Variants in CADPS observed in about 807,000 individuals in gnomAD.
CADPS encodes the protein calcium-dependent secretion activator 1.
Under a neutral mutation model 167.3 loss-of-function variants are expected in CADPS, and 57 were observed. The observed-to-expected ratio is 0.34, with a 90% confidence interval of 0.28 to 0.42. CADPS has a LOEUF of 0.42. Among genes scored for constraint, CADPS ranks in the 20% least tolerant of loss-of-function variants. The pLI is 1.00. For missense variants in CADPS, 1,414 were observed against 1,738.1 expected (o/e 0.81, Z 3.32); for synonymous variants, 676 against 635.3 (o/e 1.06, Z -0.96).
At chr3:62,851,332 G>T (rs1330827101) in intron 1 of CADPS, among the ~76,000 whole-genome samples, 4 of 117,158 alleles carry the variant, frequency 3.4e-5, no homozygotes, top group East Asian at 4.9e-4. Context: ...GTTAGCTGGT[G>T]ATTTTGCTCG....
chr3:62,470,009 G>A (rs189482452), intron 24 of CADPS, among the ~76,000 whole-genome samples: 1 of 152,344 alleles, frequency 6.6e-6, no homozygotes, highest in African/African-American at 2.4e-5. Flanking sequence ...AACAGATTGT[G>A]TGTATGTTGT....
intron 1 of CADPS, among the ~76,000 whole-genome samples, chr3:62,774,220 C>T (rs564142329): frequency 1.7e-4 from 26 of 152,094 alleles, no homozygotes; most frequent in African/African-American, 5.8e-4. Flanking sequence ...TTCACCCTTC[C>T]GGCCACAAAG....
intron 3 of CADPS, among the ~76,000 whole-genome samples, chr3:62,667,917 G>T (rs1341755454): frequency 6.6e-6 from 1 of 152,150 alleles, no homozygotes; most frequent in Non-Finnish European, 1.5e-5. Context: ...TTGTCAAAGG[G>T]CCTGGGCCTG....
At chr3:62,629,783 T>TG (rs2064932007) in intron 6 of CADPS, among the ~76,000 whole-genome samples, 1 of 150,422 alleles carries the variant, frequency 6.6e-6, no homozygotes. Context: ...TTTGTTTGTT[T>TG]TTTTCCTGTC....
chr3:62,624,049 C>T (rs1354032739), intron 6 of CADPS, among the ~76,000 whole-genome samples: 1 of 152,040 alleles, frequency 6.6e-6, no homozygotes, highest in Non-Finnish European at 1.5e-5. Context: ...TGAGAGCCTT[C>T]TAGAACGTTT....
chr3:62,862,409 G>T (rs566605901), intron 1 of CADPS, among the ~76,000 whole-genome samples: 1 of 151,934 alleles, frequency 6.6e-6, no homozygotes, highest in Admixed American at 6.6e-5. Flanking sequence ...TAGAGACAGG[G>T]TTTCACCACG....
At chr3:62,771,991 T>C (rs2088940476) in intron 1 of CADPS, among the ~76,000 whole-genome samples, 1 of 152,192 alleles carries the variant, frequency 6.6e-6, no homozygotes, top group Non-Finnish European at 1.5e-5. Flanking sequence ...GTCAAGTAAC[T>C]GGTTTTGGGT....
intron 4 of CADPS, 149 bp downstream of exon 4, chr3:62,662,165 G>A: frequency 2.9e-6 from 2 of 682,776 alleles, no homozygotes; most frequent in Admixed American, 2.4e-5. Context: ...CTTGAGAAAG[G>A]AGGGCTGAGG....
At chr3:62,437,040 T>C (rs917885802) in intron 28 of CADPS, among the ~76,000 whole-genome samples, 1 of 151,304 alleles carries the variant, frequency 6.6e-6, no homozygotes, top group Admixed American at 6.6e-5. Flanking sequence ...TGTAAATTGC[T>C]GAACACAATC....
At chr3:62,817,593 C>G (rs190148803) in intron 1 of CADPS, among the ~76,000 whole-genome samples, 4 of 152,262 alleles carry the variant, frequency 2.6e-5, no homozygotes, top group African/African-American at 7.2e-5. Flanking sequence ...ACTTCCAAAT[C>G]TGGAGTTTCC....
chr3:62,537,134 T>TA (rs929049216), intron 11 of CADPS, among the ~76,000 whole-genome samples: 5 of 151,796 alleles, frequency 3.3e-5, no homozygotes, highest in East Asian at 1.9e-4. Context: ...AAATTAAAAA[T>TA]AAAAAAAACG....
intron 1 of CADPS, among the ~76,000 whole-genome samples, chr3:62,851,920 C>T (rs1288995749): frequency 9.2e-5 from 14 of 151,840 alleles, no homozygotes; most frequent in Middle Eastern, 3.4e-3. Context: ...ACAAATCAGA[C>T]GTAGATTTGG....
intron 26 of CADPS, among the ~76,000 whole-genome samples, chr3:62,448,621 T>TG (rs112771237): frequency 0.13 from 20,096 of 149,564 alleles, 1,619 homozygotes; most frequent in African/African-American, 0.22. Context: ...TGAACTTTTT[T>TG]GGGGGGGGGT....
chr3:62,757,350 T>A (rs568051978), intron 2 of CADPS, among the ~76,000 whole-genome samples: 2 of 152,188 alleles, frequency 1.3e-5, no homozygotes, highest in East Asian at 3.9e-4. Flanking sequence ...AAATATCTGA[T>A]CTCCAGCTAG....
intron 13 of CADPS, among the ~76,000 whole-genome samples, chr3:62,529,904 T>C (rs17638580): frequency 0.024 from 3,671 of 152,278 alleles, 72 homozygotes; most frequent in Non-Finnish European, 0.034. Context: ...AATGTCAGTG[T>C]TAATTTTGGG....
chr3:62,851,746 A>T (rs1289018400), intron 1 of CADPS, among the ~76,000 whole-genome samples: 32 of 146,996 alleles, frequency 2.2e-4, no homozygotes, highest in Non-Finnish European at 1.5e-5. Context: ...TCTGACAATT[A>T]TGTGTCTTGG....
chr3:62,407,538 G>C (rs1708975164), intron 28 of CADPS, among the ~76,000 whole-genome samples: 1 of 152,116 alleles, frequency 6.6e-6, no homozygotes, highest in Non-Finnish European at 1.5e-5. Context: ...TAACCTCAAG[G>C]AAATTACTTA....
chr3:62,705,176 C>A (rs1254521160), intron 3 of CADPS, among the ~76,000 whole-genome samples: 1 of 152,116 alleles, frequency 6.6e-6, no homozygotes, highest in Non-Finnish European at 1.5e-5. Context: ...AACTCTCTCA[C>A]CATTTGTGTC....
chr3:62,466,290 A>T, intron 25 of CADPS, 49 bp downstream of exon 25: 1 of 1,270,118 alleles, frequency 7.9e-7, no homozygotes, highest in Non-Finnish European at 1.2e-6. Flanking sequence ...ATGGAGACAT[A>T]ACAAAGCAGT....
Sources: gnomAD v4.1 joint callset for allele counts (sites outside exome capture counted in the v4.1 genomes callset) on GRCh38, gnomAD v4.1.1 for gene constraint, MANE v1.5 for transcripts, NCBI Gene and HGNC (gene_info 2026-07-23, HGNC 2026-07-21) for gene names.